Variants in ROBO1 observed in about 807,000 individuals in gnomAD.
The protein encoded by ROBO1 is roundabout guidance receptor 1, also known as roundabout homolog 1.
In ROBO1, 149 loss-of-function variants were observed where a neutral mutation model predicts 195.9. The observed-to-expected ratio is 0.76, with a 90% CI of 0.67 to 0.87. The LOEUF (loss-of-function observed/expected upper bound fraction) is 0.87, where lower values mean the gene tolerates loss of function less well. ROBO1 is among the 40% of genes least tolerant of loss of function. The pLI, the probability that ROBO1 is intolerant of heterozygous loss-of-function variation, is 0.00. For missense variants in ROBO1, 1,933 were observed against 2,068.3 expected, an observed-to-expected ratio of 0.93 and a Z score of 1.27; for synonymous variants, 816 against 733.2, an observed-to-expected ratio of 1.11 and a Z score of -1.82.
chr3:78,906,375 A>T (rs1225441989), intron 4 of ROBO1, among the ~76,000 whole-genome samples: 1 of 152,108 alleles, frequency 6.6e-6, no homozygotes, highest in Non-Finnish European at 1.5e-5. Context: ...CCTTACTGTT[A>T]ATTAAAACCA....
intron 2 of ROBO1, among the ~76,000 whole-genome samples, chr3:79,589,266 C>T (rs1250929986): frequency 6.6e-6 from 1 of 151,526 alleles, no homozygotes; most frequent in East Asian, 1.9e-4. Context: ...TAAAGAAATG[C>T]TATTCTATAC....
chr3:78,749,288 A>C (rs2082731891), intron 4 of ROBO1, among the ~76,000 whole-genome samples: 1 of 152,184 alleles, frequency 6.6e-6, no homozygotes, highest in Non-Finnish European at 1.5e-5. Context: ...TCTTATTTAC[A>C]AGCTGAATCA....
intron 4 of ROBO1, among the ~76,000 whole-genome samples, chr3:78,811,140 C>A (rs1334447101): frequency 6.6e-6 from 1 of 152,016 alleles, no homozygotes; most frequent in African/African-American, 2.4e-5. Context: ...TCAAGATTAC[C>A]CAGAAATCCT....
At chr3:79,739,604 A>G (rs1279686107) in intron 1 of ROBO1, among the ~76,000 whole-genome samples, 1 of 152,214 alleles carries the variant, frequency 6.6e-6, no homozygotes, top group African/African-American at 2.4e-5. Context: ...CACATTTATT[A>G]TTTTAGAAAT....
At position 79,565,529 on chromosome 3, in the gene ROBO1, G is replaced by T. The variant is rs558024448; in HGVS notation, c.88+24295C>A. Among the ~76,000 whole-genome samples, 500 of 151,932 alleles carry T rather than the reference G, an allele frequency of 3.3e-3. 2 individuals carry two copies. Among genetic ancestry groups the T allele is most frequent in the Non-Finnish European group, 5.9e-3 (399 of 67,892 alleles). Reference sequence around the variant, plus strand: ...GCCAAACCTGTATTTGCCCAAACTTGTTTCTTTCCTTTAGGAATAACTCTC... The same window carrying T: ...GCCAAACCTGTATTTGCCCAAACTTTTTTCTTTCCTTTAGGAATAACTCTC... On this transcript the variant is annotated intron_variant, in intron 2 of 30. Transcript: ENST00000464233.
chr3:79,605,615 C>A (rs1022038555), intron 1 of ROBO1, among the ~76,000 whole-genome samples: 2 of 151,960 alleles, frequency 1.3e-5, no homozygotes, highest in African/African-American at 2.4e-5. Context: ...CCAACTTCCA[C>A]GTCCCAGCCA....
At chr3:79,191,190 G>A (rs772380072) in intron 2 of ROBO1, among the ~76,000 whole-genome samples, 4 of 151,404 alleles carry the variant, frequency 2.6e-5, no homozygotes, top group African/African-American at 7.2e-5. Flanking sequence ...CTGAAAAATT[G>A]TTTGCCTTGT....
intron 2 of ROBO1, among the ~76,000 whole-genome samples, chr3:79,387,846 A>C (rs1280576601): frequency 1.3e-5 from 2 of 152,154 alleles, no homozygotes; most frequent in African/African-American, 4.8e-5. Flanking sequence ...TTAGAGTAGG[A>C]TAATGGCTTT....
chr3:79,290,107 C>T (rs191838543), intron 2 of ROBO1, among the ~76,000 whole-genome samples: 18 of 152,210 alleles, frequency 1.2e-4, no homozygotes, highest in African/African-American at 4.1e-4. Flanking sequence ...GGTGCGATCT[C>T]AGCTCACTGC....
At chr3:79,219,248 G>A (rs532323453) in intron 2 of ROBO1, among the ~76,000 whole-genome samples, 111 of 152,046 alleles carry the variant, frequency 7.3e-4, no homozygotes, top group Middle Eastern at 3.4e-3. Flanking sequence ...TATTACCTGT[G>A]TGATGGGTAT....
At chr3:79,657,084 A>T (rs1433646582) in intron 1 of ROBO1, among the ~76,000 whole-genome samples, 1 of 152,090 alleles carries the variant, frequency 6.6e-6, no homozygotes, top group Non-Finnish European at 1.5e-5. Flanking sequence ...ATATGGTAAA[A>T]ATATACATTT....
chr3:79,160,558 C>T (rs1443370279), intron 2 of ROBO1, among the ~76,000 whole-genome samples: 1 of 151,978 alleles, frequency 6.6e-6, no homozygotes, highest in East Asian at 1.9e-4. Flanking sequence ...GAACTGCTTT[C>T]TGACTCTAAT....
At chr3:79,259,569 C>T (rs899136932) in intron 2 of ROBO1, among the ~76,000 whole-genome samples, 4 of 151,998 alleles carry the variant, frequency 2.6e-5, no homozygotes, top group African/African-American at 9.7e-5. Context: ...ACCATCCCCA[C>T]CTCCCCCTAT....
intron 30 of ROBO1, 49 bp from the exon 31 acceptor site, chr3:78,598,976 T>C (rs779374192): frequency 3.4e-6 from 4 of 1,171,388 alleles, no homozygotes; most frequent in South Asian, 1.6e-5. Flanking sequence ...CTTAAGAGGA[T>C]TGTGTTATAT....
At chr3:79,741,563 T>C (rs898346697) in intron 1 of ROBO1, among the ~76,000 whole-genome samples, 5 of 152,214 alleles carry the variant, frequency 3.3e-5, no homozygotes, top group Non-Finnish European at 7.3e-5. Flanking sequence ...TATTAGCAGT[T>C]CTTACAGTAG....
chr3:79,386,184 A>C (rs2036736987), intron 2 of ROBO1, among the ~76,000 whole-genome samples: 1 of 152,134 alleles, frequency 6.6e-6, no homozygotes, highest in Non-Finnish European at 1.5e-5. Flanking sequence ...AGAATATGTG[A>C]TTTAAACTAA....
intron 2 of ROBO1, among the ~76,000 whole-genome samples, chr3:79,537,097 C>A (rs1941898308): frequency 7.1e-6 from 1 of 140,476 alleles, no homozygotes; most frequent in Non-Finnish European, 1.5e-5. Flanking sequence ...ATCTTTCCTT[C>A]TTTTTTCCTT....
chr3:78,627,853 T>C (rs1704913533), intron 25 of ROBO1, among the ~76,000 whole-genome samples: 1 of 152,136 alleles, frequency 6.6e-6, no homozygotes, highest in African/African-American at 2.4e-5. Context: ...AGCCCAAATG[T>C]ATTTGGTATA....
At position 79,019,157 on chromosome 3, in the gene ROBO1, G is replaced by C. The variant is rs943953962; in HGVS notation, c.173-80230C>G. The C allele has an allele frequency of 1.7e-5, 17 of 986,598 alleles. No individual in the cohort carries two copies. The Admixed American group carries it at 6.1e-4, about 36-fold the overall frequency. 61.1% of individuals were successfully genotyped at this position (986,598 alleles called of 1,614,324 possible). A position where few individuals can be genotyped will look rare whatever the true frequency, so the allele number is the denominator to read the frequency against. On this transcript the variant is annotated intron_variant, in intron 3 of 30. Transcript: ENST00000464233. ...GCAGCAGGACCGCGGACACTCGCACGTCTTCTGGGCGCCCCCAGCCCCGCG... is the reference window on the plus strand; with the variant it reads ...GCAGCAGGACCGCGGACACTCGCACCTCTTCTGGGCGCCCCCAGCCCCGCG...
Sources: allele counts gnomAD v4.1 joint callset (sites outside exome capture counted in the v4.1 genomes callset), GRCh38; gene constraint gnomAD v4.1.1; transcripts MANE v1.5; gene names NCBI Gene and HGNC (gene_info 2026-07-23, HGNC 2026-07-21).